LRRC69: variants seen among roughly 807,000 people sequenced by gnomAD.
LRRC69 encodes leucine rich repeat containing 69.
A neutral mutation model predicts 37.8 loss-of-function variants in LRRC69; 42 were observed. That is an observed-to-expected ratio of 1.11 (90% confidence interval 0.87 to 1.44). LRRC69 has a LOEUF of 1.44. Among genes scored for constraint, LRRC69 ranks in the 40% most tolerant of loss-of-function variants. The pLI, the probability that LRRC69 is intolerant of heterozygous loss-of-function variation, is 0.00. For synonymous variants in LRRC69, 141 were observed against 143.1 expected, an observed-to-expected ratio of 0.99 and a Z score of 0.11; for missense variants, 357 against 401.9, an observed-to-expected ratio of 0.89 and a Z score of 0.96.
At chr8:91,168,070 C>A (rs748310071) in intron 5 of LRRC69, among the ~76,000 whole-genome samples, 10 of 151,676 alleles carry the variant, frequency 6.6e-5, no homozygotes, top group Non-Finnish European at 1.5e-4. Flanking sequence ...CCTCTTGGAG[C>A]TTATAATCTA....
intron 5 of LRRC69, among the ~76,000 whole-genome samples, chr8:91,144,224 A>G (rs758853413): frequency 2.6e-5 from 4 of 151,976 alleles, no homozygotes; most frequent in Non-Finnish European, 5.9e-5. Context: ...GATCACCTGA[A>G]TGGTTCTAAT....
chr8:91,197,258 G>A (rs2130622951), intron 6 of LRRC69, among the ~76,000 whole-genome samples: 1 of 152,224 alleles, frequency 6.6e-6, no homozygotes, highest in South Asian at 2.1e-4. Context: ...TGTCAGACAG[G>A]GACATTTAAG....
intron 6 of LRRC69, 80 bp from the exon 7 acceptor site, chr8:91,200,533 A>G (rs1809693607): frequency 1.1e-6 from 1 of 894,768 alleles, no homozygotes; most frequent in Non-Finnish European, 1.6e-6. Context: ...CATACACTTT[A>G]TCTAATGAAA....
exon 7 of LRRC69, chr8:91,200,643 C>T: frequency 1.4e-6 from 2 of 1,456,732 alleles, no homozygotes; most frequent in Non-Finnish European, 1.8e-6. Flanking sequence ...AATGAATCAG[C>T]TAGCAGAAAA....
At chr8:91,145,953 C>T (rs997862642) in intron 5 of LRRC69, among the ~76,000 whole-genome samples, 8 of 151,720 alleles carry the variant, frequency 5.3e-5, no homozygotes, top group Non-Finnish European at 1.2e-4. Context: ...TGATTTTGTT[C>T]AAATTCTTGT....
At chr8:91,138,844 C>T (rs1808471618) in intron 5 of LRRC69, 1 of 151,614 alleles carries the variant, frequency 6.6e-6, no homozygotes, top group South Asian at 2.1e-4. Flanking sequence ...CTTTTGATTC[C>T]ATGAGTTCAA....
chr8:91,171,541 A>C (rs1809132248), intron 5 of LRRC69, among the ~76,000 whole-genome samples: 1 of 152,048 alleles, frequency 6.6e-6, no homozygotes. Flanking sequence ...CTTCTGAGAA[A>C]ATCTTAGAAT....
chr8:91,197,721 C>A (rs1351101289), intron 6 of LRRC69, among the ~76,000 whole-genome samples: 3 of 151,988 alleles, frequency 2.0e-5, no homozygotes, highest in Admixed American at 6.5e-5. Context: ...GTGCGCGCAC[C>A]CACTGACCGG....
At chr8:91,117,250 A>C (rs1353396191) in intron 1 of LRRC69, among the ~76,000 whole-genome samples, 1 of 152,052 alleles carries the variant, frequency 6.6e-6, no homozygotes, top group Non-Finnish European at 1.5e-5. Flanking sequence ...GTCACAATAC[A>C]TCCATTCTTT....
chr8:91,148,219 C>CTA (rs901743972), intron 5 of LRRC69, among the ~76,000 whole-genome samples: 2 of 151,548 alleles, frequency 1.3e-5, no homozygotes, highest in Non-Finnish European at 2.9e-5. Context: ...TCTCCTAATG[C>CTA]TATACCTCCC....
chr8:91,157,010 T>C (rs1808847568), intron 5 of LRRC69, among the ~76,000 whole-genome samples: 2 of 151,294 alleles, frequency 1.3e-5, no homozygotes, highest in Admixed American at 1.3e-4. Context: ...GCTGTTTTGG[T>C]TACTATAGCT....
intron 1 of LRRC69, chr8:91,118,181 A>T (rs1471965094): frequency 2.2e-6 from 1 of 455,504 alleles, no homozygotes; most frequent in Non-Finnish European, 4.4e-6. Flanking sequence ...GCCCACCTGC[A>T]TTCTGTATGT....
intron 4 of LRRC69, among the ~76,000 whole-genome samples, chr8:91,135,269 C>G (rs772927856): frequency 1.3e-5 from 2 of 152,034 alleles, no homozygotes; most frequent in Non-Finnish European, 2.9e-5. Flanking sequence ...GCTGTTAGCT[C>G]TTTCAGTAAC....
intron 5 of LRRC69, among the ~76,000 whole-genome samples, chr8:91,138,452 A>G (rs1808457250): frequency 1.3e-5 from 2 of 151,826 alleles, no homozygotes; most frequent in Admixed American, 6.6e-5. Context: ...CCTTATAACT[A>G]CTTTTTAAAA....
At chr8:91,102,635 C>T (rs1030493395), upstream of LRRC69, 3 of 1,528,740 alleles carry the variant, frequency 2.0e-6, no homozygotes, top group African/African-American at 4.2e-5. Flanking sequence ...TAATGGTTAC[C>T]TTGTTTTCTA....
intron 6 of LRRC69, among the ~76,000 whole-genome samples, chr8:91,190,599 C>T (rs1809477441): frequency 6.6e-6 from 1 of 152,060 alleles, no homozygotes; most frequent in South Asian, 2.1e-4. Context: ...TTGTGAATAG[C>T]TTTCCAATCA....
intron 5 of LRRC69, among the ~76,000 whole-genome samples, chr8:91,154,910 A>G (rs1208569951): frequency 6.6e-6 from 1 of 151,546 alleles, no homozygotes; most frequent in Non-Finnish European, 1.5e-5. Context: ...AGGGTTTTCA[A>G]ATATGAAAAA....
chr8:91,197,408 A>T (rs1189905860), intron 6 of LRRC69, among the ~76,000 whole-genome samples: 1 of 152,134 alleles, frequency 6.6e-6, no homozygotes, highest in Non-Finnish European at 1.5e-5. Context: ...TTACCTAATC[A>T]AGCCTGGCCA....
At chr8:91,219,038 G>T (rs763326623), downstream of LRRC69, 8 of 1,164,180 alleles carry the variant, frequency 6.9e-6, no homozygotes, top group South Asian at 9.8e-5. Context: ...CACTCCACTT[G>T]CCCTGTCAGC....
Sources: gnomAD v4.1 joint callset for allele counts (sites outside exome capture counted in the v4.1 genomes callset) on GRCh38, gnomAD v4.1.1 for gene constraint, MANE v1.5 for transcripts, NCBI Gene and HGNC (gene_info 2026-07-23, HGNC 2026-07-21) for gene names.